HTR1F: variants seen among roughly 807,000 people sequenced by gnomAD.
HTR1F encodes 5-hydroxytryptamine (serotonin) receptor 1F, G protein-coupled.
Under a neutral mutation model 24.0 loss-of-function variants are expected in HTR1F, and 17 were observed. That is an observed-to-expected ratio of 0.71 (90% CI 0.48 to 1.06). The LOEUF is 1.06. Among genes scored for constraint, HTR1F ranks in the 50% least tolerant of loss-of-function variants. The probability of loss-of-function intolerance (pLI) is 0.00; values close to 1 mark genes in which losing one functional copy is unlikely to be tolerated. For missense variants in HTR1F, 391 were observed against 427.8 expected, an observed-to-expected ratio of 0.91 and a Z score of 0.76; for synonymous variants, 186 against 156.8, an observed-to-expected ratio of 1.19 and a Z score of -1.39.
chr3:87,846,732 G>A (rs1212799428), intron 2 of HTR1F, among the ~76,000 whole-genome samples: 2 of 151,876 alleles, frequency 1.3e-5, no homozygotes, highest in African/African-American at 4.9e-5. Context: ...TGAGAATAAA[G>A]TTTGAATTAA....
intron 2 of HTR1F, among the ~76,000 whole-genome samples, chr3:87,850,385 A>T (rs1432479785): frequency 6.6e-6 from 1 of 151,800 alleles, no homozygotes. Flanking sequence ...GCATGTTCTC[A>T]CTCATAGGTC....
intron 2 of HTR1F, among the ~76,000 whole-genome samples, chr3:87,925,597 C>T (rs1704106724): frequency 1.3e-5 from 2 of 152,158 alleles, no homozygotes; most frequent in South Asian, 4.1e-4. Context: ...AACAGTGTCT[C>T]TGTTCTCAAA....
At chr3:87,813,897 G>A (rs1240391308) in intron 1 of HTR1F, among the ~76,000 whole-genome samples, 1 of 152,106 alleles carries the variant, frequency 6.6e-6, no homozygotes, top group African/African-American at 2.4e-5. Flanking sequence ...CCCCAGCCAT[G>A]TGGAACTATG....
intron 2 of HTR1F, among the ~76,000 whole-genome samples, chr3:87,942,201 G>A (rs1411312186): frequency 2.0e-5 from 3 of 152,098 alleles, no homozygotes; most frequent in Non-Finnish European, 4.4e-5. Flanking sequence ...CCTAACAAGG[G>A]AGTGGGGCTT....
rs369647972 is a variant in HTR1F at position 87,836,468 on chromosome 3, T to C, written c.-43+14344T>C. On this transcript the variant is annotated intron_variant, in intron 2 of 2. Coordinates refer to ENST00000319595, the MANE Select transcript of HTR1F (RefSeq NM_001322209.2). ...ATTTTTGTTTGGAAAATAATTTTAA[T>C]ATCCATAAGTGGTTTTTCAATTTGT... is the stretch of plus-strand genomic sequence containing the variant. Among the ~76,000 whole-genome samples the C allele has an allele frequency of 8.5e-5, 13 of 152,228 alleles. 1 individual carries two copies. The highest frequency in any genetic ancestry group is 1.3e-4 in the Non-Finnish European group (9 of 68,030).
intron 2 of HTR1F, among the ~76,000 whole-genome samples, chr3:87,843,542 A>T (rs866979559): frequency 7.6e-4 from 110 of 145,030 alleles, no homozygotes; most frequent in Middle Eastern, 3.6e-3. Context: ...TTATTTTATT[A>T]TTATACTTTA....
chr3:87,903,652 T>C (rs1445597217), intron 2 of HTR1F, among the ~76,000 whole-genome samples: 2 of 151,432 alleles, frequency 1.3e-5, no homozygotes, highest in Non-Finnish European at 2.9e-5. Flanking sequence ...TGTGGAGAAA[T>C]AGGAACACTT....
chr3:87,904,189 C>A (rs1703604659), intron 2 of HTR1F, among the ~76,000 whole-genome samples: 1 of 152,012 alleles, frequency 6.6e-6, no homozygotes, highest in Non-Finnish European at 1.5e-5. Context: ...GCACACCTAA[C>A]AAAATAGCTA....
intron 2 of HTR1F, among the ~76,000 whole-genome samples, chr3:87,906,271 T>A (rs540371071): frequency 1.3e-5 from 2 of 152,076 alleles, no homozygotes; most frequent in Non-Finnish European, 2.9e-5. Flanking sequence ...CCTGCCCTTC[T>A]TTATCTGTAT....
At chr3:87,887,256 A>G (rs529074173) in intron 2 of HTR1F, among the ~76,000 whole-genome samples, 17 of 152,336 alleles carry the variant, frequency 1.1e-4, no homozygotes, top group African/African-American at 2.9e-4. Flanking sequence ...TGGTGCTGGG[A>G]AAACTGGCTA....
chr3:87,853,780 A>T (rs907404904), intron 2 of HTR1F, among the ~76,000 whole-genome samples: 12 of 152,010 alleles, frequency 7.9e-5, no homozygotes, highest in Non-Finnish European at 1.6e-4. Flanking sequence ...ATGGTATCTC[A>T]TTGTAGGTTT....
At chr3:87,849,055 A>G (rs9683173) in intron 2 of HTR1F, among the ~76,000 whole-genome samples, 66,360 of 150,634 alleles carry the variant, frequency 0.44, 18,230 homozygotes, top group African/African-American at 0.78. Flanking sequence ...CAGATTCACT[A>G]CCATCCCCAT....
intron 2 of HTR1F, among the ~76,000 whole-genome samples, chr3:87,966,827 T>C (rs1250114637): frequency 2.0e-5 from 3 of 152,188 alleles, no homozygotes; most frequent in African/African-American, 7.2e-5. Flanking sequence ...AAATACCTTG[T>C]GCTTCCCCAC....
At chr3:87,866,819 CGT>C (rs763994292) in intron 2 of HTR1F, among the ~76,000 whole-genome samples, 9,896 of 95,716 alleles carry the variant, frequency 0.1, 397 homozygotes, top group African/African-American at 0.16. Context: ...AGTGTGCGTG[CGT>C]GTGTGTGTGT....
intron 2 of HTR1F, among the ~76,000 whole-genome samples, chr3:87,929,284 T>C (rs933953294): frequency 1.3e-5 from 2 of 152,026 alleles, no homozygotes; most frequent in African/African-American, 4.8e-5. Context: ...AGTTATGAAG[T>C]TCTTCATCAG....
intron 1 of HTR1F, among the ~76,000 whole-genome samples, chr3:87,818,456 G>C (rs1704291159): frequency 6.6e-6 from 1 of 152,172 alleles, no homozygotes; most frequent in African/African-American, 2.4e-5. Flanking sequence ...TGCAAAGTGA[G>C]GCATCTCCAG....
intron 2 of HTR1F, among the ~76,000 whole-genome samples, chr3:87,963,647 G>GA (rs765542209): frequency 4.6e-5 from 7 of 152,078 alleles, no homozygotes; most frequent in Non-Finnish European, 8.8e-5. Flanking sequence ...GTCTTTGCAG[G>GA]AAATCCATGA....
At chr3:87,854,935 T>C (rs1395863771) in intron 2 of HTR1F, among the ~76,000 whole-genome samples, 19 of 152,052 alleles carry the variant, frequency 1.2e-4, no homozygotes, top group Admixed American at 1.2e-3. Flanking sequence ...GTTGTTGTTG[T>C]TGCTGTTTTT....
intron 2 of HTR1F, among the ~76,000 whole-genome samples, chr3:87,929,202 C>T (rs143868043): frequency 3.7e-4 from 57 of 152,254 alleles, no homozygotes; most frequent in African/African-American, 1.4e-3. Context: ...AAGTAACCAA[C>T]AGCCAAGAAC....
Sources: allele counts gnomAD v4.1 joint callset (sites outside exome capture counted in the v4.1 genomes callset), GRCh38; gene constraint gnomAD v4.1.1; transcripts MANE v1.5; gene names NCBI Gene and HGNC (gene_info 2026-07-23, HGNC 2026-07-21).